PTPRD: variants seen among roughly 807,000 people sequenced by gnomAD.
The protein encoded by PTPRD is protein tyrosine phosphatase receptor type D.
Under a neutral mutation model 214.5 loss-of-function variants are expected in PTPRD, and 34 were observed. That is an observed-to-expected ratio of 0.16 (90% confidence interval 0.12 to 0.21). PTPRD has a LOEUF of 0.21. PTPRD is among the 10% of genes least tolerant of loss of function. The pLI, the probability that PTPRD is intolerant of heterozygous loss-of-function variation, is 1.00. For missense variants in PTPRD, 2,545 were observed against 2,398.7 expected, an observed-to-expected ratio of 1.06 and a Z score of -1.27; for synonymous variants, 1,128 against 845.7, an observed-to-expected ratio of 1.33 and a Z score of -5.79.
At chr9:10,095,476 G>A (rs2098473922) in intron 3 of PTPRD, among the ~76,000 whole-genome samples, 1 of 151,452 alleles carries the variant, frequency 6.6e-6, no homozygotes, top group Admixed American at 6.6e-5. Context: ...CTACTGACAT[G>A]AATGCAGTCT....
intron 14 of PTPRD, among the ~76,000 whole-genome samples, chr9:8,561,258 C>G (rs190210339): frequency 1.3e-5 from 2 of 152,184 alleles, no homozygotes; most frequent in Admixed American, 1.3e-4. Flanking sequence ...TCAGCACATA[C>G]TCCTCATTCT....
chr9:10,086,071 C>T (rs139818877), intron 3 of PTPRD, among the ~76,000 whole-genome samples: 3 of 151,744 alleles, frequency 2.0e-5, no homozygotes, highest in African/African-American at 7.2e-5. Context: ...CTGAAAAACA[C>T]TTTAAAAATG....
intron 2 of PTPRD, among the ~76,000 whole-genome samples, chr9:10,506,036 G>C (rs944842511): frequency 6.6e-6 from 1 of 151,988 alleles, no homozygotes; most frequent in Non-Finnish European, 1.5e-5. Context: ...AAATATCATT[G>C]AATCAAGGTA....
intron 3 of PTPRD, among the ~76,000 whole-genome samples, chr9:10,324,945 A>G (rs776200672): frequency 2.0e-5 from 3 of 152,024 alleles, no homozygotes; most frequent in Non-Finnish European, 4.4e-5. Flanking sequence ...TAATCAATAT[A>G]TAATGTACTT....
At chr9:9,737,944 C>A (rs2098329201) in intron 6 of PTPRD, among the ~76,000 whole-genome samples, 1 of 152,134 alleles carries the variant, frequency 6.6e-6, no homozygotes, top group African/African-American at 2.4e-5. Flanking sequence ...TTTCCACTAG[C>A]AAGGCATAAG....
intron 12 of PTPRD, among the ~76,000 whole-genome samples, chr9:8,697,133 G>C (rs1001940393): frequency 6.6e-6 from 1 of 152,076 alleles, no homozygotes; most frequent in Non-Finnish European, 1.5e-5. Context: ...AGAAAATCAC[G>C]ACCATGGAAC....
chr9:8,881,739 A>G (rs955689513), intron 11 of PTPRD, among the ~76,000 whole-genome samples: 2 of 152,234 alleles, frequency 1.3e-5, no homozygotes, highest in Admixed American at 6.5e-5. Context: ...AGAATGGAAG[A>G]AGCAGCGGAG....
At chr9:8,719,323 G>A (rs1237847714) in intron 12 of PTPRD, among the ~76,000 whole-genome samples, 1 of 152,164 alleles carries the variant, frequency 6.6e-6, no homozygotes, top group African/African-American at 2.4e-5. Context: ...AAGGTTAAGC[G>A]CCATTAGACA....
intron 14 of PTPRD, among the ~76,000 whole-genome samples, chr9:8,560,412 G>C (rs988753453): frequency 1.3e-5 from 2 of 148,464 alleles, no homozygotes; most frequent in African/African-American, 2.5e-5. Flanking sequence ...CAAGTCAAAT[G>C]ATCAGTACCA....
intron 2 of PTPRD, among the ~76,000 whole-genome samples, chr9:10,560,202 T>G (rs2063566005): frequency 6.6e-6 from 1 of 152,136 alleles, no homozygotes; most frequent in South Asian, 2.1e-4. Flanking sequence ...ATGTGGCACA[T>G]ATACACCATG....
chr9:8,599,911 C>G (rs1274361889), intron 14 of PTPRD, among the ~76,000 whole-genome samples: 1 of 152,140 alleles, frequency 6.6e-6, no homozygotes, highest in Non-Finnish European at 1.5e-5. Flanking sequence ...AGCCACGGCG[C>G]CTGGCCGGCC....
In PTPRD at chr9:10,358,001, T is replaced by C. The variant is rs567545135; in HGVS notation, c.-599-16984A>G. 4.6e-5 allele frequency among the ~76,000 whole-genome samples: 7 copies of C among 152,282 alleles called. No homozygotes were observed. In the East Asian group the frequency reaches 5.8e-4, roughly 13 times the overall value. ...TAATGATATATCTCCAGGTACTCCA[T>C]AGTCAAAAGCACTAACTACTGTGCT... On this transcript the variant is annotated intron_variant, in intron 2 of 45. Transcript: ENST00000381196.
chr9:9,425,272 C>T (rs2080381885), intron 8 of PTPRD, among the ~76,000 whole-genome samples: 1 of 151,598 alleles, frequency 6.6e-6, no homozygotes, highest in South Asian at 2.1e-4. Context: ...TGAGCCTGGC[C>T]CAGTTCCATG....
intron 11 of PTPRD, among the ~76,000 whole-genome samples, chr9:8,761,366 CA>C (rs2094403046): frequency 2.0e-5 from 3 of 152,088 alleles, no homozygotes; most frequent in African/African-American, 7.2e-5. Context: ...TTATAACTAA[CA>C]AAACTGAAAG....
chr9:9,918,477 C>G (rs2081594835), intron 5 of PTPRD, among the ~76,000 whole-genome samples: 1 of 151,500 alleles, frequency 6.6e-6, no homozygotes, highest in African/African-American at 2.4e-5. Flanking sequence ...AATCACAAAA[C>G]TATCCAAAGC....
intron 6 of PTPRD, among the ~76,000 whole-genome samples, chr9:9,742,486 T>C (rs1260107728): frequency 6.6e-6 from 1 of 152,214 alleles, no homozygotes; most frequent in Non-Finnish European, 1.5e-5. Context: ...ATTTTCTTTT[T>C]TGTAATTTTG....
intron 14 of PTPRD, among the ~76,000 whole-genome samples, chr9:8,560,359 T>C (rs1304286316): frequency 2.0e-5 from 3 of 150,472 alleles, no homozygotes; most frequent in African/African-American, 7.4e-5. Flanking sequence ...AAATGCAAAA[T>C]GGGGGGAGTG....
intron 9 of PTPRD, among the ~76,000 whole-genome samples, chr9:9,246,446 C>G (rs2099973092): frequency 6.6e-6 from 1 of 152,030 alleles, no homozygotes; most frequent in African/African-American, 2.4e-5. Flanking sequence ...AAAAGTTCAC[C>G]TGATGCAAAC....
In PTPRD at chr9:10,035,118, A is replaced by T. The variant is rs544528328; in HGVS notation, c.-544-1328T>A. ...CTCCACAACCTTGCCAGCATGTATT[A>T]TTTTTGACTTTTAATAATAGCCATT... On this transcript the variant is annotated intron_variant, in intron 3 of 45. Coordinates refer to ENST00000381196, the MANE Select transcript of PTPRD (RefSeq NM_002839.4). 2.6e-5 allele frequency among the ~76,000 whole-genome samples: 4 copies of T among 152,136 alleles called. No homozygotes were observed. In the East Asian group the frequency reaches 7.7e-4, roughly 29 times the overall value.
Sources: allele counts gnomAD v4.1 joint callset (sites outside exome capture counted in the v4.1 genomes callset), GRCh38; gene constraint gnomAD v4.1.1; transcripts MANE v1.5; gene names NCBI Gene and HGNC (gene_info 2026-07-23, HGNC 2026-07-21).